PCDH15: variants seen among roughly 807,000 people sequenced by gnomAD.
PCDH15 encodes protocadherin related 15.
Under a neutral mutation model 178.5 loss-of-function variants are expected in PCDH15, and 129 were observed. The observed-to-expected ratio is 0.72, with a 90% CI of 0.63 to 0.84. The LOEUF (loss-of-function observed/expected upper bound fraction) is 0.84. Among genes scored for constraint, PCDH15 ranks in the 40% least tolerant of loss-of-function variants. The probability of loss-of-function intolerance (pLI) is 0.00; values close to 1 mark genes in which losing one functional copy is unlikely to be tolerated. For synonymous variants in PCDH15, 800 were observed against 732.0 expected (o/e 1.09, Z -1.50); for missense variants, 2,230 against 2,099.9 (o/e 1.06, Z -1.21).
chr10:55,228,198 T>C (rs1841108812), intron 1 of PCDH15, among the ~76,000 whole-genome samples: 1 of 152,158 alleles, frequency 6.6e-6, no homozygotes, highest in Non-Finnish European at 1.5e-5. Flanking sequence ...TCATGTTGCA[T>C]ACATCATGCA....
chr10:54,311,510 A>G (rs1282789306), intron 8 of PCDH15, among the ~76,000 whole-genome samples: 2 of 152,178 alleles, frequency 1.3e-5, no homozygotes, highest in African/African-American at 2.4e-5. Flanking sequence ...CAGACATAAT[A>G]ACTTTAAAAG....
chr10:54,123,765 G>A (rs372268694), intron 15 of PCDH15, among the ~76,000 whole-genome samples: 3 of 152,030 alleles, frequency 2.0e-5, no homozygotes, highest in South Asian at 2.1e-4. Flanking sequence ...GGTGCCCATC[G>A]GTGGTGGAGC....
chr10:54,196,005 G>A, intron 10 of PCDH15, 116 bp from the exon 11 acceptor site: 2 of 855,380 alleles, frequency 2.3e-6, no homozygotes, highest in Admixed American at 2.4e-5. Context: ...ATCACATAAG[G>A]AAAAAATACG....
At chr10:54,153,079 A>G (rs772418884) in intron 14 of PCDH15, 21 bp downstream of exon 14, 21 of 1,613,392 alleles carry the variant, frequency 1.3e-5, no homozygotes, top group Non-Finnish European at 1.8e-5. Flanking sequence ...AAAAGACTGC[A>G]TTGGTTCTAA....
At chr10:54,656,316 AG>A (rs148668793) in intron 2 of PCDH15, among the ~76,000 whole-genome samples, 10,008 of 152,050 alleles carry the variant, frequency 0.066, 397 homozygotes, top group East Asian at 0.14. Context: ...TTGACCCCCA[AG>A]GAACTTAGAG....
chr10:55,304,010 A>G (rs1215625239), intron 1 of PCDH15, among the ~76,000 whole-genome samples: 1 of 152,042 alleles, frequency 6.6e-6, no homozygotes, highest in African/African-American at 2.4e-5. Flanking sequence ...CCTCTCTTCA[A>G]ATGTATGTAT....
At chr10:54,485,842 A>G (rs2079063010) in intron 3 of PCDH15, among the ~76,000 whole-genome samples, 1 of 152,090 alleles carries the variant, frequency 6.6e-6, no homozygotes. Context: ...TTCTCGAGGC[A>G]TAGCCTGGCA....
intron 2 of PCDH15, among the ~76,000 whole-genome samples, chr10:54,581,278 T>A (rs2091012321): frequency 6.6e-6 from 1 of 152,056 alleles, no homozygotes; most frequent in Non-Finnish European, 1.5e-5. Flanking sequence ...CAAAAATCAG[T>A]AGCATTTCTA....
intron 2 of PCDH15, among the ~76,000 whole-genome samples, chr10:55,023,261 T>C (rs1228765639): frequency 6.6e-6 from 1 of 152,166 alleles, no homozygotes. Flanking sequence ...CAGTGACAGT[T>C]GATTTCCATA....
intron 2 of PCDH15, among the ~76,000 whole-genome samples, chr10:55,625,129 G>A (rs1837496845): frequency 1.3e-5 from 2 of 152,000 alleles, no homozygotes; most frequent in Admixed American, 1.3e-4. Context: ...TCAGTACACT[G>A]ATTTTTTTTT....
chr10:54,549,058 G>T (rs937054433), intron 2 of PCDH15, among the ~76,000 whole-genome samples: 1 of 151,624 alleles, frequency 6.6e-6, no homozygotes, highest in African/African-American at 2.4e-5. Flanking sequence ...GGCAATACCA[G>T]TTTTAATATT....
At chr10:55,098,895 T>TGAGAGAGAGAGAGAGA (rs10535301) in intron 2 of PCDH15, among the ~76,000 whole-genome samples, 1,503 of 120,158 alleles carry the variant, frequency 0.013, 41 homozygotes, top group African/African-American at 0.017. Flanking sequence ...AAAACTTCAA[T>TGAGAGAGAGAGAGAGA]GAGAGAGAGA....
intron 10 of PCDH15, among the ~76,000 whole-genome samples, chr10:54,203,464 C>A (rs1038031381): frequency 2.0e-5 from 3 of 152,012 alleles, no homozygotes; most frequent in Non-Finnish European, 4.4e-5. Context: ...AATAAAGGAA[C>A]CTCAGATTGA....
intron 15 of PCDH15, among the ~76,000 whole-genome samples, chr10:54,091,866 C>T (rs1261978943): frequency 6.6e-6 from 1 of 152,016 alleles, no homozygotes; most frequent in African/African-American, 2.4e-5. Context: ...CTTATTTAGT[C>T]AACTCATTCA....
At position 54,219,115 on chromosome 10, in the gene PCDH15, AAAAC is replaced by A. The variant is rs1211948851; in HGVS notation, c.986-5071_986-5068del. Among the ~76,000 whole-genome samples, 431 of 145,992 alleles carry A rather than the reference AAAAC, an allele frequency of 3.0e-3. 4 individuals carry two copies. Among genetic ancestry groups the A allele is most frequent in the African/African-American group, 0.01 (384 of 38,038 alleles). Reference sequence around the variant, plus strand: ...AAAAAAAAAAAAAAAAAACAAAAAAAAAACAAAAAATTAGCCGGGCGTGGTGGTG... The same window carrying A: ...AAAAAAAAAAAAAAAAAACAAAAAAAAAAAAATTAGCCGGGCGTGGTGGTG... On this transcript the variant is annotated intron_variant, in intron 9 of 37. Transcript: ENST00000644397.
In PCDH15 at chr10:54,309,055, C is replaced by G. The variant is rs906278999; in HGVS notation, c.876+8216G>C. Among the ~76,000 whole-genome samples, 3 of 152,124 alleles carry G rather than the reference C, an allele frequency of 2.0e-5. No individual in the cohort carries two copies. The East Asian group carries it at 5.8e-4, about 29-fold the overall frequency. ...GTTTCCCTCTTCATTGATCACTTTG[C>G]TGGCCCCAAAACATATCCACAGAAA... is the stretch of plus-strand genomic sequence containing the variant. On this transcript the variant is annotated intron_variant, in intron 8 of 37. Coordinates refer to ENST00000644397, the MANE Select transcript of PCDH15 (RefSeq NM_001384140.1).
intron 3 of PCDH15, among the ~76,000 whole-genome samples, chr10:54,821,422 A>C (rs1953037487): frequency 6.6e-6 from 1 of 152,120 alleles, no homozygotes; most frequent in African/African-American, 2.4e-5. Context: ...TAATAAAAAA[A>C]AAATTACAAA....
intron 3 of PCDH15, among the ~76,000 whole-genome samples, chr10:54,397,754 T>C (rs1565173174): frequency 6.6e-6 from 1 of 152,022 alleles, no homozygotes; most frequent in Non-Finnish European, 1.5e-5. Context: ...CTAGATATGC[T>C]GATATTCTTA....
intron 3 of PCDH15, among the ~76,000 whole-genome samples, chr10:54,854,967 G>A (rs1368003543): frequency 6.6e-6 from 1 of 152,234 alleles, no homozygotes; most frequent in Non-Finnish European, 1.5e-5. Context: ...GGCACCTGCA[G>A]GCCAGTTCCA....
Sources: allele counts gnomAD v4.1 joint callset (sites outside exome capture counted in the v4.1 genomes callset), GRCh38; gene constraint gnomAD v4.1.1; transcripts MANE v1.5; gene names NCBI Gene and HGNC (gene_info 2026-07-23, HGNC 2026-07-21).